The following CNTN5 variants were observed in gnomAD, a reference collection of about 807,000 sequenced individuals.
CNTN5 encodes contactin-5.
CNTN5 carries 77 observed loss-of-function variants against 129.1 expected under a neutral mutation model. That is an observed-to-expected ratio of 0.60 (90% CI 0.50 to 0.72). CNTN5 has a LOEUF of 0.72. Ranked by LOEUF, CNTN5 falls within the 30% of genes least tolerant of loss-of-function variation. The probability of loss-of-function intolerance (pLI) is 0.00; values close to 1 mark genes in which losing one functional copy is unlikely to be tolerated. For missense variants in CNTN5, 1,478 were observed against 1,328.8 expected (o/e 1.11, Z -1.75); for synonymous variants, 509 against 465.6 (o/e 1.09, Z -1.20).
intron 8 of CNTN5, among the ~76,000 whole-genome samples, chr11:99,962,542 T>G (rs924840866): frequency 6.6e-6 from 1 of 151,836 alleles, no homozygotes; most frequent in Non-Finnish European, 1.5e-5. Context: ...CACATTTTCT[T>G]AATCCAGTCT....
At chr11:100,246,469 A>C (rs907308427) in intron 16 of CNTN5, among the ~76,000 whole-genome samples, 1 of 152,148 alleles carries the variant, frequency 6.6e-6, no homozygotes, top group African/African-American at 2.4e-5. Flanking sequence ...ACAAAATACA[A>C]ATCCTGGGGC....
At chr11:99,670,943 T>C (rs775900950) in intron 3 of CNTN5, among the ~76,000 whole-genome samples, 10 of 152,220 alleles carry the variant, frequency 6.6e-5, no homozygotes, top group African/African-American at 2.2e-4. Context: ...TATGTAATTA[T>C]CGATACTGTT....
At chr11:99,661,995 G>T (rs181847937) in intron 3 of CNTN5, among the ~76,000 whole-genome samples, 297 of 152,104 alleles carry the variant, frequency 2.0e-3, no homozygotes, top group African/African-American at 6.2e-3. Flanking sequence ...TGTTTACATG[G>T]TTTTTTTCTA....
intron 6 of CNTN5, among the ~76,000 whole-genome samples, chr11:99,913,824 G>T (rs760369449): frequency 3.9e-4 from 59 of 151,956 alleles, no homozygotes; most frequent in Non-Finnish European, 5.4e-4. Flanking sequence ...TGTAGTAAAT[G>T]GATTGAAATG....
chr11:100,260,253 T>A (rs190853445), intron 17 of CNTN5, among the ~76,000 whole-genome samples: 1 of 152,228 alleles, frequency 6.6e-6, no homozygotes, highest in East Asian at 1.9e-4. Context: ...AAGAAGAATT[T>A]GAATCCCTGA....
chr11:99,612,905 G>A (rs1478702179), intron 3 of CNTN5, among the ~76,000 whole-genome samples: 3 of 152,170 alleles, frequency 2.0e-5, no homozygotes, highest in African/African-American at 2.4e-5. Flanking sequence ...GTATAAAGAG[G>A]AGCGGGCAAG....
chr11:99,834,420 G>A (rs762107494), intron 4 of CNTN5, among the ~76,000 whole-genome samples: 33 of 152,220 alleles, frequency 2.2e-4, no homozygotes, highest in Middle Eastern at 3.4e-3. Flanking sequence ...CAGCACTTTG[G>A]GAGGCTAAGG....
intron 7 of CNTN5, among the ~76,000 whole-genome samples, chr11:99,935,534 T>C (rs1306779602): frequency 6.6e-6 from 1 of 152,076 alleles, no homozygotes; most frequent in Non-Finnish European, 1.5e-5. Flanking sequence ...TGTAAATTGC[T>C]TTGCAATGAA....
chr11:100,165,338 T>C (rs1248696334), intron 13 of CNTN5, among the ~76,000 whole-genome samples: 1 of 151,780 alleles, frequency 6.6e-6, no homozygotes, highest in Admixed American at 6.6e-5. Flanking sequence ...CTCTCCTCTG[T>C]TATCAGTGTT....
chr11:99,488,409 G>A (rs1397343196), intron 2 of CNTN5, among the ~76,000 whole-genome samples: 1 of 152,030 alleles, frequency 6.6e-6, no homozygotes, highest in Non-Finnish European at 1.5e-5. Flanking sequence ...CTGACCTCGT[G>A]ATCTGCCTGT....
chr11:99,187,252 G>A (rs1174721327), intron 1 of CNTN5, among the ~76,000 whole-genome samples: 1 of 151,716 alleles, frequency 6.6e-6, no homozygotes, highest in Non-Finnish European at 1.5e-5. Context: ...AATGAAAAAT[G>A]TACCTTCTTC....
chr11:99,793,452 T>G (rs914554899), intron 3 of CNTN5, among the ~76,000 whole-genome samples: 3 of 152,148 alleles, frequency 2.0e-5, no homozygotes, highest in East Asian at 1.9e-4. Context: ...TCAGCTCTGA[T>G]TTTATTTCTT....
intron 1 of CNTN5, among the ~76,000 whole-genome samples, chr11:99,311,204 G>A (rs1321585507): frequency 6.6e-6 from 1 of 152,176 alleles, no homozygotes; most frequent in Non-Finnish European, 1.5e-5. Context: ...TGAGATTACA[G>A]GCATGAGCCA....
At chr11:100,171,469 AT>A (rs1240241063) in intron 13 of CNTN5, among the ~76,000 whole-genome samples, 1 of 152,024 alleles carries the variant, frequency 6.6e-6, no homozygotes, top group African/African-American at 2.4e-5. Context: ...TTTAGTCAGC[AT>A]TAAGAAATAC....
chr11:99,990,649 C>T (rs371028341), intron 8 of CNTN5, among the ~76,000 whole-genome samples: 1 of 151,952 alleles, frequency 6.6e-6, no homozygotes, highest in African/African-American at 2.4e-5. Flanking sequence ...CAATCACTCA[C>T]CTTAAGAAAC....
chr11:100,283,859 T>G (rs1291788108), intron 18 of CNTN5, among the ~76,000 whole-genome samples: 1 of 151,764 alleles, frequency 6.6e-6, no homozygotes, highest in African/African-American at 2.4e-5. Flanking sequence ...GGCACAAGAA[T>G]CACTTGAACC....
chr11:99,172,326 G>A (rs968567942), intron 1 of CNTN5, among the ~76,000 whole-genome samples: 4 of 152,028 alleles, frequency 2.6e-5, no homozygotes, highest in African/African-American at 9.7e-5. Context: ...GAATATCATT[G>A]GTATACATTT....
chr11:100,254,777 G>A (rs1425522266), intron 16 of CNTN5, among the ~76,000 whole-genome samples: 1 of 151,158 alleles, frequency 6.6e-6, no homozygotes. Context: ...CAAATCCAGA[G>A]AGCATTTGTA....
chr11:100,063,706 TAAAAA>T (rs35896237), intron 10 of CNTN5, among the ~76,000 whole-genome samples: 2 of 115,282 alleles, frequency 1.7e-5, no homozygotes, highest in Non-Finnish European at 3.5e-5. Flanking sequence ...AACCTGTCTC[TAAAAA>T]AAAAAAAAAA....
Sources: allele counts gnomAD v4.1 joint callset (sites outside exome capture counted in the v4.1 genomes callset), GRCh38; gene constraint gnomAD v4.1.1; transcripts MANE v1.5; gene names NCBI Gene and HGNC (gene_info 2026-07-23, HGNC 2026-07-21).